The following FBLN7 variants were observed in gnomAD, a reference collection of about 807,000 sequenced individuals.
FBLN7 encodes fibulin 7.
A neutral mutation model predicts 44.0 loss-of-function variants in FBLN7; 31 were observed. The observed-to-expected ratio is 0.70, with a 90% confidence interval of 0.53 to 0.95. FBLN7 has a LOEUF of 0.95. Ranked by LOEUF, FBLN7 falls within the 40% of genes least tolerant of loss-of-function variation. The pLI is 0.00. For missense variants in FBLN7, 573 were observed against 618.5 expected (o/e 0.93, Z 0.78); for synonymous variants, 262 against 253.4 (o/e 1.03, Z -0.32).
At chr2:112,170,534 A>G (rs1263941493) in intron 3 of FBLN7, among the ~76,000 whole-genome samples, 1 of 140,506 alleles carries the variant, frequency 7.1e-6, no homozygotes, top group Non-Finnish European at 1.6e-5. Context: ...CTCGAAAGTG[A>G]AAAAAAAAAA....
chr2:112,163,264 G>A lies in FBLN7; in HGVS notation c.236-1737G>A, dbSNP rs138773737. 1.4e-3 allele frequency among the ~76,000 whole-genome samples: 213 copies of A among 152,302 alleles called. 1 individual carries two copies. The highest frequency in any genetic ancestry group is 4.0e-3 in the Admixed American group (61 of 15,296). On this transcript the variant is annotated intron_variant, in intron 2 of 7. Transcript: ENST00000331203. ...ACTCCTGGACAGGGAGGCCCATCAC[G>A]CTCCTTAATGGCCTCTGGTCCAGGA... is the stretch of plus-strand genomic sequence containing the variant.
intron 1 of FBLN7, among the ~76,000 whole-genome samples, chr2:112,144,489 G>T (rs969790920): frequency 1.0e-4 from 15 of 143,930 alleles, no homozygotes; most frequent in African/African-American, 3.6e-4. Context: ...GTTCCTTTTT[G>T]TTTTTGCTTT....
the FBLN7 span, chr2:112,214,446 C>T: frequency 6.6e-6 from 1 of 151,918 alleles, no homozygotes; most frequent in Non-Finnish European, 1.5e-5. Context: ...CTTTATTTCT[C>T]CTGGTTTGAA....
the FBLN7 span, chr2:112,230,805 G>A: frequency 1.3e-6 from 1 of 752,046 alleles, no homozygotes; most frequent in East Asian, 6.8e-5. Context: ...GGAGGAAGAA[G>A]AAAAATACTT....
rs530113333 is a variant in FBLN7 at position 112,167,181 on chromosome 2, C to T, written c.406+2010C>T. On this transcript the variant is annotated intron_variant, in intron 3 of 7. Transcript: ENST00000331203. ...TATCCAAATATTCTGTCCTCAATGG[C>T]GACATACTACAATGCACATCATGTG... Among the ~76,000 whole-genome samples, 10 of 152,252 alleles carry T rather than the reference C, an allele frequency of 6.6e-5. No individual in the cohort carries two copies. The South Asian group carries it at 2.1e-3, about 32-fold the overall frequency.
At chr2:112,236,571 T>C in the FBLN7 span, 1 of 1,613,296 alleles carries the variant, frequency 6.2e-7, no homozygotes, top group East Asian at 2.2e-5. Flanking sequence ...CCTCTTCCTG[T>C]GAGCCGCTGT....
At chr2:112,210,273 G>T in the FBLN7 span, among the ~76,000 whole-genome samples, 1 of 151,988 alleles carries the variant, frequency 6.6e-6, no homozygotes, top group African/African-American at 2.4e-5. Context: ...CTGCAGTGGC[G>T]ATGGAGATCG....
the FBLN7 span, among the ~76,000 whole-genome samples, chr2:112,202,460 G>GT: frequency 6.8e-4 from 103 of 151,442 alleles, no homozygotes; most frequent in South Asian, 5.4e-3. Flanking sequence ...TAAGTGCAGG[G>GT]TTTTTTTAAA....
chr2:112,156,706 G>A (rs541593961), intron 1 of FBLN7, among the ~76,000 whole-genome samples: 17 of 152,340 alleles, frequency 1.1e-4, no homozygotes, highest in African/African-American at 4.1e-4. Flanking sequence ...GAGCAATTGC[G>A]TTTGGGGCTG....
chr2:112,160,717 C>G (rs1348095363), intron 2 of FBLN7, among the ~76,000 whole-genome samples: 1 of 140,356 alleles, frequency 7.1e-6, no homozygotes. Context: ...CACACACAAG[C>G]ACGCGCACAC....
At chr2:112,162,338 G>A (rs1002510702) in intron 2 of FBLN7, among the ~76,000 whole-genome samples, 10 of 150,930 alleles carry the variant, frequency 6.6e-5, no homozygotes, top group Non-Finnish European at 1.5e-5. Flanking sequence ...TTTTTTTAAG[G>A]GAATTTGCTG....
At chr2:112,236,133 G>A in the FBLN7 span, among the ~76,000 whole-genome samples, 5 of 151,998 alleles carry the variant, frequency 3.3e-5, no homozygotes, top group South Asian at 4.2e-4. Flanking sequence ...GCATGGTGGC[G>A]GGCGCCTGTA....
the FBLN7 span, among the ~76,000 whole-genome samples, chr2:112,204,584 G>A: frequency 6.6e-6 from 1 of 152,252 alleles, no homozygotes; most frequent in South Asian, 2.1e-4. Flanking sequence ...GTATAAGGGA[G>A]CTTCAATAAG....
the FBLN7 span, among the ~76,000 whole-genome samples, chr2:112,210,133 A>G: frequency 6.6e-6 from 1 of 151,886 alleles, no homozygotes; most frequent in African/African-American, 2.4e-5. Flanking sequence ...GTTGGAGCCC[A>G]AGCAGAGTGA....
chr2:112,219,060 A>C, the FBLN7 span, among the ~76,000 whole-genome samples: 25 of 152,216 alleles, frequency 1.6e-4, no homozygotes, highest in African/African-American at 6.0e-4. Flanking sequence ...AATCTCTATC[A>C]AATTCAAATT....
At chr2:112,194,088 A>G in the FBLN7 span, among the ~76,000 whole-genome samples, 1 of 151,946 alleles carries the variant, frequency 6.6e-6, no homozygotes, top group Non-Finnish European at 1.5e-5. Context: ...AGCTGGGAAG[A>G]CTCCATGCCT....
At chr2:112,153,659 G>C (rs890106583) in intron 1 of FBLN7, among the ~76,000 whole-genome samples, 3 of 152,180 alleles carry the variant, frequency 2.0e-5, no homozygotes, top group African/African-American at 7.2e-5. Flanking sequence ...GCAGGGGACC[G>C]GGTGAGCCGG....
At chr2:112,227,612 T>G in the FBLN7 span, among the ~76,000 whole-genome samples, 1 of 152,198 alleles carries the variant, frequency 6.6e-6, no homozygotes, top group Non-Finnish European at 1.5e-5. Flanking sequence ...CTACTAGAGC[T>G]AATAAATGAA....
chr2:112,178,444 TC>T (rs1275222157), intron 4 of FBLN7, among the ~76,000 whole-genome samples: 2 of 152,144 alleles, frequency 1.3e-5, no homozygotes, highest in African/African-American at 4.8e-5. Flanking sequence ...CTGGTACCAT[TC>T]CTACAGAAAC....
Sources: gnomAD v4.1 joint callset for allele counts (sites outside exome capture counted in the v4.1 genomes callset) on GRCh38, gnomAD v4.1.1 for gene constraint, MANE v1.5 for transcripts, NCBI Gene and HGNC (gene_info 2026-07-23, HGNC 2026-07-21) for gene names.